NIBAN2: variants seen among roughly 807,000 people sequenced by gnomAD.
The protein encoded by NIBAN2 is niban apoptosis regulator 2.
A neutral mutation model predicts 81.8 loss-of-function variants in NIBAN2; 36 were observed. The observed-to-expected ratio is 0.44, with a 90% CI of 0.34 to 0.58. The LOEUF is 0.58. NIBAN2 is among the 20% of genes least tolerant of loss of function. The pLI, the probability that NIBAN2 is intolerant of heterozygous loss-of-function variation, is 0.02. For synonymous variants in NIBAN2, 445 were observed against 441.6 expected (o/e 1.01, Z -0.10); for missense variants, 897 against 1,014.1 (o/e 0.88, Z 1.57).
At chr9:127,527,521 G>A (rs915781477) in intron 2 of NIBAN2, among the ~76,000 whole-genome samples, 199 bp from the exon 3 acceptor site, 12 of 152,212 alleles carry the variant, frequency 7.9e-5, no homozygotes, top group African/African-American at 1.7e-4. Flanking sequence ...AGCGAGACTC[G>A]GAGCCGTGGA....
intron 1 of NIBAN2, among the ~76,000 whole-genome samples, chr9:127,553,996 C>T (rs1368522645): frequency 2.0e-5 from 3 of 152,158 alleles, no homozygotes; most frequent in Admixed American, 6.5e-5. Flanking sequence ...CACCCACGCC[C>T]GGCCTTCAGC....
At chr9:127,531,011 CT>C (rs1837168775) in intron 2 of NIBAN2, among the ~76,000 whole-genome samples, 1 of 151,948 alleles carries the variant, frequency 6.6e-6, no homozygotes. Context: ...AAAACCCCAT[CT>C]CTACAAAAAA....
chr9:127,552,517 C>T (rs1837594884), intron 1 of NIBAN2, among the ~76,000 whole-genome samples: 1 of 151,980 alleles, frequency 6.6e-6, no homozygotes, highest in Admixed American at 6.6e-5. Flanking sequence ...ATTGAGGCTG[C>T]AATTGGCCAT....
intron 1 of NIBAN2, 141 bp from the exon 2 acceptor site, chr9:127,531,919 G>A (rs189769444): frequency 1.6e-4 from 189 of 1,170,770 alleles, no homozygotes; most frequent in Admixed American, 1.2e-3. Flanking sequence ...GCTCATCTGC[G>A]CTGCATTTCT....
intron 1 of NIBAN2, among the ~76,000 whole-genome samples, chr9:127,539,104 G>A (rs1464292479): frequency 2.0e-5 from 3 of 152,048 alleles, no homozygotes; most frequent in African/African-American, 7.2e-5. Context: ...TGATAGATAT[G>A]TGGAAAAATA....
intron 1 of NIBAN2, among the ~76,000 whole-genome samples, chr9:127,540,591 C>G (rs1354199817): frequency 6.6e-6 from 1 of 152,130 alleles, no homozygotes; most frequent in African/African-American, 2.4e-5. Context: ...ACCAGGTGAC[C>G]GAGAACTGGG....
At chr9:127,578,073 C>T (rs1481569743) in intron 1 of NIBAN2, among the ~76,000 whole-genome samples, 2 of 151,704 alleles carry the variant, frequency 1.3e-5, no homozygotes, top group African/African-American at 4.8e-5. Flanking sequence ...TGCCTGAAAT[C>T]CCATCTACTT....
In NIBAN2 at chr9:127,569,005, G is replaced by A. The variant is rs1234066912; in HGVS notation, c.-131C>T. On this transcript the variant is annotated 5_prime_UTR_variant, in exon 1 of 14. Coordinates refer to ENST00000373312, the MANE Select transcript of NIBAN2 (RefSeq NM_022833.4). ...CGCTCCCGCCGCTCCCGCCGCTCCC[G>A]CCGCCCGGCTGCGGCTTCCGCTCCG... is the stretch of plus-strand genomic sequence containing the variant. 1 of 619,814 alleles carries A rather than the reference G, an allele frequency of 1.6e-6. No individual in the cohort carries two copies. The highest frequency in any genetic ancestry group is 2.0e-6 in the Non-Finnish European group (1 of 509,002). The allele number at this position is 619,814 out of a possible 1,614,324, so 38.4% of individuals were successfully genotyped here. A position where few individuals can be genotyped will look rare whatever the true frequency, so the allele number is the denominator to read the frequency against.
chr9:127,510,033 A>T, intron 9 of NIBAN2, 113 bp downstream of exon 9: 1 of 1,012,826 alleles, frequency 9.9e-7, no homozygotes, highest in Non-Finnish European at 1.4e-6. Flanking sequence ...CTCCCCGTCT[A>T]CAGGGACGGC....
chr9:127,510,355 T>TCAGC (rs760219590), intron 8 of NIBAN2, 22 bp from the exon 9 acceptor site: 1 of 1,570,732 alleles, frequency 6.4e-7, no homozygotes, highest in Non-Finnish European at 8.7e-7. Context: ...GGGAGCCGGG[T>TCAGC]CAGCAGGGGC....
intron 2 of NIBAN2, among the ~76,000 whole-genome samples, chr9:127,530,408 G>C (rs780690631): frequency 6.6e-6 from 1 of 152,212 alleles, no homozygotes; most frequent in Non-Finnish European, 1.5e-5. Context: ...CCTTGGCCAG[G>C]TGCGGCAGCT....
At chr9:127,577,083 G>A (rs935507162) in intron 1 of NIBAN2, among the ~76,000 whole-genome samples, 1 of 151,786 alleles carries the variant, frequency 6.6e-6, no homozygotes, top group African/African-American at 2.4e-5. Flanking sequence ...CGAGGTGGGC[G>A]GATCACCTGA....
chr9:127,511,239 G>A (rs570196317), intron 8 of NIBAN2, among the ~76,000 whole-genome samples: 1 of 151,988 alleles, frequency 6.6e-6, no homozygotes, highest in South Asian at 2.1e-4. Context: ...GTAGAGACAG[G>A]GTTTCACCAT....
chr9:127,539,796 A>AC (rs1176864082), intron 1 of NIBAN2, among the ~76,000 whole-genome samples: 6 of 151,848 alleles, frequency 4.0e-5, no homozygotes, highest in African/African-American at 1.5e-4. Context: ...AGAACTAGGC[A>AC]CCCCCCATCA....
chr9:127,567,765 G>C (rs992002864), intron 1 of NIBAN2, among the ~76,000 whole-genome samples: 1 of 152,184 alleles, frequency 6.6e-6, no homozygotes, highest in Non-Finnish European at 1.5e-5. Flanking sequence ...ACATACAAGT[G>C]CCTCTCCTAT....
At chr9:127,523,187 AAAAAAATATATATATATATAT>A in intron 5 of NIBAN2, among the ~76,000 whole-genome samples, 1 of 29,270 alleles carries the variant, frequency 3.4e-5, no homozygotes, top group South Asian at 1.4e-3. Context: ...AAAAAAAAAA[AAAAAAATATATATATATATAT>A]ATATATATAT....
intron 1 of NIBAN2, among the ~76,000 whole-genome samples, chr9:127,557,793 T>C (rs571545129): frequency 1.3e-5 from 2 of 152,368 alleles, no homozygotes; most frequent in African/African-American, 2.4e-5. Flanking sequence ...GAGATCCCAG[T>C]TGGCCTCGGG....
intron 1 of NIBAN2, among the ~76,000 whole-genome samples, chr9:127,533,613 G>A (rs536964785): frequency 2.0e-5 from 3 of 152,302 alleles, no homozygotes; most frequent in South Asian, 2.1e-4. Flanking sequence ...CAGCCTGGGC[G>A]ACAGAGCGAG....
chr9:127,536,599 T>A lies in NIBAN2; in HGVS notation c.56-4821A>T, dbSNP rs760806544. Among the ~76,000 whole-genome samples the A allele has an allele frequency of 1.3e-5, 2 of 152,198 alleles. No individual in the cohort carries two copies. The highest frequency in any genetic ancestry group is 2.9e-5 in the Non-Finnish European group (2 of 68,032). ...TCCATACTTGCCCACAGCAGCTCTT[T>A]CCATTTCCTGCCGCAGCCTCTGGAG... On this transcript the variant is annotated intron_variant, in intron 1 of 13. Coordinates refer to ENST00000373312, the MANE Select transcript of NIBAN2 (RefSeq NM_022833.4). This position sits in a 1 kb window ranked among gnomAD's most constrained non-coding sequence, Gnocchi z 4.0.
Sources: allele counts gnomAD v4.1 joint callset (sites outside exome capture counted in the v4.1 genomes callset), GRCh38; gene constraint gnomAD v4.1.1; non-coding constraint Gnocchi (gnomAD v3.1); transcripts MANE v1.5; gene names NCBI Gene and HGNC (gene_info 2026-07-23, HGNC 2026-07-21).